The following PARP8 variants were observed in gnomAD, a reference collection of about 807,000 sequenced individuals.
PARP8 encodes the protein poly(ADP-ribose) polymerase family member 8, also known as protein mono-ADP-ribosyltransferase PARP8.
In PARP8, 51 loss-of-function variants were observed where a neutral mutation model predicts 124.1. That is an observed-to-expected ratio of 0.41 (90% CI 0.33 to 0.52). The LOEUF (loss-of-function observed/expected upper bound fraction) is 0.52, where lower values mean the gene tolerates loss of function less well. Among genes scored for constraint, PARP8 ranks in the 20% least tolerant of loss-of-function variants. PARP8 has a pLI of 0.21. For synonymous variants in PARP8, 391 were observed against 361.5 expected (o/e 1.08, Z -0.93); for missense variants, 860 against 1,018.9 (o/e 0.84, Z 2.12).
At chr5:50,722,012 C>A (rs547614481) in intron 2 of PARP8, among the ~76,000 whole-genome samples, 1 of 151,960 alleles carries the variant, frequency 6.6e-6, no homozygotes, top group Non-Finnish European at 1.5e-5. Context: ...AGTAGCTGAA[C>A]CAAATTTTAT....
In PARP8 at chr5:50,845,004, G is replaced by A. The variant is rs1422810956; in HGVS notation, c.*2936G>A. Reference sequence around the variant, plus strand: ...TTGAAGCTGTTTTTTTTTTTAATTTGAAGTTTAATTTTAAAAGTGCCACAT... The same window carrying A: ...TTGAAGCTGTTTTTTTTTTTAATTTAAAGTTTAATTTTAAAAGTGCCACAT... On this transcript the variant is annotated 3_prime_UTR_variant, in exon 26 of 26. Transcript: ENST00000281631. The A allele has an allele frequency of 1.3e-5, 2 of 149,382 alleles. No individual in the cohort carries two copies. The highest frequency in any genetic ancestry group is 4.9e-5 in the African/African-American group (2 of 40,570). 9.3% of individuals were successfully genotyped at this position (149,382 alleles called of 1,614,324 possible).
chr5:50,776,615 G>A (rs1177893356), intron 7 of PARP8, among the ~76,000 whole-genome samples: 2 of 152,074 alleles, frequency 1.3e-5, no homozygotes, highest in African/African-American at 4.8e-5. Flanking sequence ...ATGTTTTAAT[G>A]TATTTTTAAA....
intron 2 of PARP8, among the ~76,000 whole-genome samples, chr5:50,730,089 A>G (rs1055213700): frequency 1.3e-5 from 2 of 152,212 alleles, no homozygotes; most frequent in African/African-American, 4.8e-5. Context: ...AGCACCTTGT[A>G]TAGTTCCTCT....
chr5:50,739,468 A>G (rs558270866), intron 2 of PARP8, among the ~76,000 whole-genome samples: 92 of 152,082 alleles, frequency 6.0e-4, no homozygotes, highest in African/African-American at 2.2e-3. Flanking sequence ...GCATTCTTCC[A>G]TATTTCATCT....
chr5:50,732,907 C>T (rs1303049811), intron 2 of PARP8, among the ~76,000 whole-genome samples: 60 of 151,880 alleles, frequency 4.0e-4, no homozygotes, highest in Non-Finnish European at 6.3e-4. Flanking sequence ...TGTGAGCCAC[C>T]GCGACCAGCC....
intron 2 of PARP8, among the ~76,000 whole-genome samples, chr5:50,724,334 T>G (rs1173173232): frequency 6.6e-6 from 1 of 152,176 alleles, no homozygotes; most frequent in Non-Finnish European, 1.5e-5. Flanking sequence ...TTTCAGTAGA[T>G]GCATTTAAAA....
intron 2 of PARP8, among the ~76,000 whole-genome samples, chr5:50,712,017 T>A (rs768616333): frequency 2.0e-5 from 3 of 152,150 alleles, no homozygotes; most frequent in Non-Finnish European, 4.4e-5. Context: ...CTGAAGGACC[T>A]CATTACTTCT....
chr5:50,727,208 T>G (rs1756513690), intron 2 of PARP8, among the ~76,000 whole-genome samples: 1 of 152,140 alleles, frequency 6.6e-6, no homozygotes, highest in Admixed American at 6.6e-5. Flanking sequence ...TCCTTTACCC[T>G]TCTTTAGATG....
rs185235090 is a variant in PARP8 at position 50,715,019 on chromosome 5, T to C, written c.147-35132T>C. On this transcript the variant is annotated intron_variant, in intron 2 of 25. Coordinates refer to ENST00000281631, the MANE Select transcript of PARP8 (RefSeq NM_024615.4). ...GTCTTTGTGAATTTATGCTTTTTTT[T>C]CCTTTCATTTTCTGTAATTTTAGTA... Among the ~76,000 whole-genome samples the C allele has an allele frequency of 3.2e-3, 492 of 152,082 alleles. 1 individual carries two copies. The highest frequency in any genetic ancestry group is 5.2e-3 in the Non-Finnish European group (351 of 67,984).
intron 9 of PARP8, among the ~76,000 whole-genome samples, chr5:50,784,293 T>C (rs1364754387): frequency 6.6e-6 from 1 of 152,158 alleles, no homozygotes; most frequent in Non-Finnish European, 1.5e-5. Flanking sequence ...TGAAGACATA[T>C]ACCTCCTTAT....
intron 2 of PARP8, among the ~76,000 whole-genome samples, chr5:50,707,976 A>G (rs1376051139): frequency 3.9e-5 from 6 of 152,104 alleles, no homozygotes; most frequent in Admixed American, 3.9e-4. Context: ...TTTTGGTTGC[A>G]TCACTAATCA....
chr5:50,667,947 T>A, intron 1 of PARP8, 124 bp from the exon 2 acceptor site: 1 of 1,577,012 alleles, frequency 6.3e-7, no homozygotes, highest in Non-Finnish European at 8.6e-7. Context: ...CTCGCCGCCC[T>A]CTAGCCCTTG....
In PARP8 at chr5:50,841,719, TCAGA is replaced by T. The variant is rs1277541807; in HGVS notation, c.2463-243_2463-240del. Among the ~76,000 whole-genome samples, 5 of 149,082 alleles carry T rather than the reference TCAGA, an allele frequency of 3.4e-5. No homozygotes were observed. The East Asian group carries it at 1.0e-3, about 30-fold the overall frequency. The stretch of plus-strand genomic sequence containing the variant: ...AAGACACTGAGAAGCTTCTTGCAAC[TCAGA>T]CAGTCTTTTATGCGGGGATAAAAAA... On this transcript the variant is annotated intron_variant, in intron 25 of 25. Transcript: ENST00000281631.
intron 25 of PARP8, among the ~76,000 whole-genome samples, chr5:50,841,120 A>G (rs1748133323): frequency 6.6e-6 from 1 of 151,850 alleles, no homozygotes; most frequent in Non-Finnish European, 1.5e-5. Flanking sequence ...CTGTGCTTAT[A>G]TCCCTGGTTA....
intron 7 of PARP8, among the ~76,000 whole-genome samples, chr5:50,764,346 A>G: frequency 6.6e-6 from 1 of 152,118 alleles, no homozygotes; most frequent in East Asian, 1.9e-4. Context: ...CTTCCTGATT[A>G]TTTTCAGTGG....
chr5:50,829,942 C>T lies in PARP8; in HGVS notation c.2214C>T (p.Ser738=), dbSNP rs753534730. 1 of 1,608,666 alleles carries T rather than the reference C, an allele frequency of 6.2e-7. No individual in the cohort carries two copies. The highest frequency in any genetic ancestry group is 1.1e-5 in the South Asian group (1 of 90,258). Residue 738 remains serine (S), a synonymous_variant, in exon 22 of 26, where the codon AGC becomes AGT. Coordinates refer to ENST00000281631, the MANE Select transcript of PARP8 (RefSeq NM_024615.4). The part of the protein sequence containing the change: ...GSGIYLSPMS[S]ISFGYSGMNK... ...GAATCTATCTTAGTCCAATGTCAAG[C>T]ATATCATTTGGTTACTCAGGTAATT...
rs2112163759 is a variant in PARP8, at chr5:50,666,963, A to T, written c.-133A>T. The stretch of plus-strand genomic sequence containing the variant: ...TTCTCTCACCCAGGATCACTTCCGA[A>T]ACCACTTCGCCTTCAGCCCCTGCCT... On this transcript the variant is annotated 5_prime_UTR_variant, in exon 1 of 26. Coordinates refer to ENST00000281631, the MANE Select transcript of PARP8 (RefSeq NM_024615.4). 7.3e-7 allele frequency: 1 copy of T among 1,364,352 alleles called. No individual in the cohort carries two copies. The highest frequency in any genetic ancestry group is 3.4e-5 in the East Asian group (1 of 29,124). The allele number at this position is 1,364,352 out of a possible 1,614,324, so 84.5% of individuals were successfully genotyped here.
intron 2 of PARP8, among the ~76,000 whole-genome samples, chr5:50,737,899 A>G (rs955109412): frequency 2.0e-5 from 3 of 152,230 alleles, no homozygotes; most frequent in South Asian, 2.1e-4. Flanking sequence ...TAATCAAAAT[A>G]TGTCATCAAA....
chr5:50,691,128 A>G (rs1171104276), intron 2 of PARP8, among the ~76,000 whole-genome samples: 2 of 152,156 alleles, frequency 1.3e-5, no homozygotes, highest in African/African-American at 2.4e-5. Flanking sequence ...CTTACCTTTC[A>G]CTTACCTTTT....
Sources: allele counts gnomAD v4.1 joint callset (sites outside exome capture counted in the v4.1 genomes callset), GRCh38; gene constraint gnomAD v4.1.1; transcripts MANE v1.5; gene names NCBI Gene and HGNC (gene_info 2026-07-23, HGNC 2026-07-21).